Variants in FHIT observed in about 807,000 individuals in gnomAD.
The protein encoded by FHIT is fragile histidine triad diadenosine triphosphatase.
In FHIT, 19 loss-of-function variants were observed where a neutral mutation model predicts 17.9. The ratio of observed to expected loss-of-function variants is 1.06; its 90% CI spans 0.74 to 1.56. FHIT has a LOEUF of 1.56. FHIT is among the 40% of genes most tolerant of loss of function. The pLI is 0.00. For missense variants in FHIT, 248 were observed against 189.2 expected, an observed-to-expected ratio of 1.31 and a Z score of -1.82; for synonymous variants, 81 against 69.7, an observed-to-expected ratio of 1.16 and a Z score of -0.81.
At chr3:60,334,743 C>T (rs187962758) in intron 5 of FHIT, among the ~76,000 whole-genome samples, 16 of 152,304 alleles carry the variant, frequency 1.1e-4, no homozygotes, top group East Asian at 7.7e-4. Context: ...GCTGAGACCA[C>T]GCCACTGCCC....
chr3:59,797,187 C>T (rs1260331101), intron 8 of FHIT, among the ~76,000 whole-genome samples: 1 of 146,634 alleles, frequency 6.8e-6, no homozygotes, highest in Non-Finnish European at 1.5e-5. Context: ...TTTGATATTA[C>T]AATTTTTTTT....
At chr3:60,892,852 C>G (rs1355055048) in intron 3 of FHIT, among the ~76,000 whole-genome samples, 1 of 152,016 alleles carries the variant, frequency 6.6e-6, no homozygotes, top group Non-Finnish European at 1.5e-5. Context: ...TACATAACTA[C>G]AAAATACAAC....
intron 1 of FHIT, among the ~76,000 whole-genome samples, chr3:61,222,374 C>A (rs1410054812): frequency 6.6e-6 from 1 of 152,214 alleles, no homozygotes; most frequent in Non-Finnish European, 1.5e-5. Context: ...GGTAAGGTGC[C>A]ATGCTCACAG....
intron 2 of FHIT, among the ~76,000 whole-genome samples, chr3:61,173,722 T>C (rs954728531): frequency 1.3e-5 from 2 of 152,230 alleles, no homozygotes; most frequent in African/African-American, 4.8e-5. Flanking sequence ...AATTTAACAC[T>C]TAAAAGTGAC....
chr3:60,857,397 C>G (rs1703433291), intron 3 of FHIT, among the ~76,000 whole-genome samples: 1 of 152,140 alleles, frequency 6.6e-6, no homozygotes, highest in Non-Finnish European at 1.5e-5. Context: ...CATTTGACAG[C>G]CCAGCTTCAC....
At chr3:60,896,945 T>C (rs1705853376) in intron 3 of FHIT, among the ~76,000 whole-genome samples, 2 of 152,224 alleles carry the variant, frequency 1.3e-5, no homozygotes, top group Non-Finnish European at 2.9e-5. Context: ...ATGACCAATT[T>C]CATATCTTCT....
At chr3:60,722,296 T>C (rs950909670) in intron 4 of FHIT, among the ~76,000 whole-genome samples, 3 of 152,246 alleles carry the variant, frequency 2.0e-5, no homozygotes, top group African/African-American at 7.2e-5. Flanking sequence ...AGCCCATTTA[T>C]ATTGCAGAAT....
rs1370834211 is a variant in FHIT at position 60,544,230 on chromosome 3, G to A, written c.-17-7251C>T. Among the ~76,000 whole-genome samples the A allele has an allele frequency of 3.3e-5, 5 of 151,796 alleles. No individual in the cohort carries two copies. The East Asian group carries it at 5.8e-4, about 18-fold the overall frequency. ...CCTTTTCTTGTTCCTGACCTTAAGA[G>A]GGCTGAGTTTAAACTTCTTTTTTTT... On this transcript the variant is annotated intron_variant, in intron 4 of 9. Coordinates refer to ENST00000492590, the MANE Select transcript of FHIT (RefSeq NM_002012.4).
chr3:60,382,999 A>C (rs1444075109), intron 5 of FHIT, among the ~76,000 whole-genome samples: 2 of 152,220 alleles, frequency 1.3e-5, no homozygotes, highest in African/African-American at 4.8e-5. Flanking sequence ...ATCTGTATTA[A>C]TACTTTTGCA....
At chr3:60,547,996 A>G (rs1313891964) in intron 4 of FHIT, among the ~76,000 whole-genome samples, 1 of 152,136 alleles carries the variant, frequency 6.6e-6, no homozygotes, top group Non-Finnish European at 1.5e-5. Flanking sequence ...TAAAGTAACG[A>G]AATCTCTTTT....
rs202099394 is a variant in FHIT, at chr3:59,984,394, T to TGG, written c.279+26975_279+26976dup. On this transcript the variant is annotated intron_variant, in intron 7 of 9. Coordinates refer to ENST00000492590, the MANE Select transcript of FHIT (RefSeq NM_002012.4). ...TCAAGCAATTGGGGCTCAAATCCACTGGGGGGGGCTCTGGAAGACAGCGTG... is the reference window on the plus strand; with the variant it reads ...TCAAGCAATTGGGGCTCAAATCCACTGGGGGGGGGGCTCTGGAAGACAGCGTG... Among the ~76,000 whole-genome samples, 37 of 138,854 alleles carry TGG rather than the reference T, an allele frequency of 2.7e-4. 1 individual carries two copies. The East Asian group carries it at 2.8e-3, about 11-fold the overall frequency. The allele number at this position is 138,854 out of a possible 152,430, so 91.1% of individuals were successfully genotyped here.
chr3:60,926,830 A>G (rs551206526), intron 3 of FHIT, among the ~76,000 whole-genome samples: 21 of 152,326 alleles, frequency 1.4e-4, no homozygotes, highest in Non-Finnish European at 8.8e-5. Flanking sequence ...AGAAGAAGAG[A>G]GAGAAGAATC....
chr3:61,043,452 G>C (rs1056022269), intron 2 of FHIT, among the ~76,000 whole-genome samples: 4 of 152,208 alleles, frequency 2.6e-5, no homozygotes, highest in Admixed American at 6.5e-5. Flanking sequence ...GCTGAGGCTT[G>C]AGTAGGAAAA....
chr3:61,129,226 GACACAA>G (rs1229976341), intron 2 of FHIT, among the ~76,000 whole-genome samples: 1 of 152,192 alleles, frequency 6.6e-6, no homozygotes, highest in African/African-American at 2.4e-5. Context: ...CCCAATGTAA[GACACAA>G]ACACAGAGAC....
intron 3 of FHIT, among the ~76,000 whole-genome samples, chr3:61,040,039 T>G (rs538201663): frequency 6.6e-6 from 1 of 152,176 alleles, no homozygotes; most frequent in African/African-American, 2.4e-5. Context: ...GTCTCAATCA[T>G]GGTGAATAAT....
intron 5 of FHIT, among the ~76,000 whole-genome samples, chr3:60,114,001 CCAAAAAAAAAAAAAAAAAA>C (rs1704811286): frequency 5.6e-5 from 1 of 17,932 alleles, no homozygotes; most frequent in African/African-American, 4.6e-4. Context: ...GACCCCGTCT[CCAAAAAAAAAAAAAAAAAA>C]AAAAAAAAAA....
rs570627259 is a variant in FHIT, at chr3:60,799,647, C to T, written c.-18+22272G>A. Among the ~76,000 whole-genome samples the T allele has an allele frequency of 1.6e-4, 24 of 152,298 alleles. No homozygotes were observed. In the Middle Eastern group the frequency reaches 0.014, roughly 87 times the overall value. On this transcript the variant is annotated intron_variant, in intron 4 of 9. Coordinates refer to ENST00000492590, the MANE Select transcript of FHIT (RefSeq NM_002012.4). ...CTTTGCACATGCAATCATCTGGCTA[C>T]AGTGTTTCTCCTTTCCCTACTCCTT...
intron 5 of FHIT, among the ~76,000 whole-genome samples, chr3:60,464,962 A>G (rs1381333268): frequency 2.6e-5 from 4 of 152,142 alleles, no homozygotes; most frequent in Admixed American, 2.6e-4. Context: ...GTACTAATTT[A>G]CATTCCCACC....
chr3:60,450,271 G>T (rs1237725440), intron 5 of FHIT, among the ~76,000 whole-genome samples: 1 of 151,754 alleles, frequency 6.6e-6, no homozygotes, highest in African/African-American at 2.4e-5. Flanking sequence ...GTCAACACTG[G>T]GCAATAGGAA....
Sources: allele counts gnomAD v4.1 joint callset (sites outside exome capture counted in the v4.1 genomes callset), GRCh38; gene constraint gnomAD v4.1.1; transcripts MANE v1.5; gene names NCBI Gene and HGNC (gene_info 2026-07-23, HGNC 2026-07-21).